LHX4: variants seen among roughly 807,000 people sequenced by gnomAD.
LHX4 encodes LIM homeobox 4.
LHX4 carries 16 observed loss-of-function variants against 39.2 expected under a neutral mutation model. The observed-to-expected ratio is 0.41, with a 90% CI of 0.28 to 0.62. The LOEUF (loss-of-function observed/expected upper bound fraction) is 0.62, where lower values mean the gene tolerates loss of function less well. LHX4 is among the 20% of genes least tolerant of loss of function. The pLI, the probability that LHX4 is intolerant of heterozygous loss-of-function variation, is 0.33. For synonymous variants in LHX4, 206 were observed against 198.1 expected (o/e 1.04, Z -0.33); for missense variants, 439 against 511.9 (o/e 0.86, Z 1.37).
chr1:180,258,088 A>G (rs2764447), intron 2 of LHX4, among the ~76,000 whole-genome samples: 23,346 of 152,272 alleles, frequency 0.15, 2,178 homozygotes, highest in Admixed American at 0.23. Context: ...TCAGTAGTGA[A>G]CAAGACGGAT....
At chr1:180,249,271 G>A (rs900586667) in intron 2 of LHX4, among the ~76,000 whole-genome samples, 7 of 152,226 alleles carry the variant, frequency 4.6e-5, no homozygotes, top group Non-Finnish European at 1.0e-4. Flanking sequence ...CCTTTCTGGG[G>A]TGGGGTTCAT....
At chr1:180,228,522 G>C (rs1280600771), upstream of LHX4, among the ~76,000 whole-genome samples, 1 of 152,212 alleles carries the variant, frequency 6.6e-6, no homozygotes, top group Non-Finnish European at 1.5e-5. Context: ...CTGCAAATGA[G>C]GCTGGCGTTT....
At chr1:180,229,975 G>T (rs1398267969), upstream of LHX4, among the ~76,000 whole-genome samples, 1 of 120,130 alleles carries the variant, frequency 8.3e-6, no homozygotes, top group East Asian at 2.8e-4. Flanking sequence ...GGGGGGGGGG[G>T]TGCCGGCTTG....
intron 1 of LHX4, among the ~76,000 whole-genome samples, chr1:180,231,660 C>T (rs979756831): frequency 6.6e-6 from 1 of 151,790 alleles, no homozygotes; most frequent in African/African-American, 2.4e-5. Flanking sequence ...CAAGGAGTTC[C>T]TCGCTCCGCT....
At chr1:180,263,337 T>C (rs1648181121) in intron 2 of LHX4, among the ~76,000 whole-genome samples, 1 of 152,232 alleles carries the variant, frequency 6.6e-6, no homozygotes, top group Non-Finnish European at 1.5e-5. Context: ...CCTGTGACTC[T>C]GGCTATTCTA....
intron 2 of LHX4, among the ~76,000 whole-genome samples, chr1:180,252,794 C>T (rs1647684715): frequency 6.6e-6 from 1 of 152,120 alleles, no homozygotes; most frequent in South Asian, 2.1e-4. Context: ...GGGCATGTGG[C>T]GATCCTGGTA....
At chr1:180,255,346 GCA>G (rs1647806634) in intron 2 of LHX4, among the ~76,000 whole-genome samples, 1 of 152,190 alleles carries the variant, frequency 6.6e-6, no homozygotes, top group Admixed American at 6.5e-5. Context: ...ATGCACACAT[GCA>G]CACACATGTA....
At chr1:180,228,987 G>C, upstream of LHX4, among the ~76,000 whole-genome samples, 1 of 152,238 alleles carries the variant, frequency 6.6e-6, no homozygotes, top group East Asian at 1.9e-4. Context: ...GGGGCAGACG[G>C]GGTGGGCTTC....
In LHX4 at chr1:180,238,295, G is replaced by A. The variant is rs547948329; in HGVS notation, c.76+7690G>A. ...CAAATAAAGCAAACAGTAAAAGTGGGAAGGATTCCGGAAAGCAAGTGAAGG... is the reference window on the plus strand; with the variant it reads ...CAAATAAAGCAAACAGTAAAAGTGGAAAGGATTCCGGAAAGCAAGTGAAGG... On this transcript the variant is annotated intron_variant, in intron 1 of 5. Coordinates refer to ENST00000263726, the MANE Select transcript of LHX4 (RefSeq NM_033343.4). 3.2e-4 allele frequency among the ~76,000 whole-genome samples: 48 copies of A among 152,354 alleles called. No homozygotes were observed. In the South Asian group the frequency reaches 9.9e-3, roughly 32 times the overall value.
Position 180,234,199 on chromosome 1 carries a change from ATATATATATATATATATATAT to A in LHX4, c.76+3595_76+3615del, listed in dbSNP as rs1558207195. 1.4e-3 allele frequency among the ~76,000 whole-genome samples: 122 copies of A among 89,692 alleles called. 6 individuals carry two copies. The South Asian group carries it at 0.016, about 11-fold the overall frequency. The allele number at this position is 89,692 out of a possible 152,430, so 58.8% of individuals were successfully genotyped here. A position where few individuals can be genotyped will look rare whatever the true frequency, so the allele number is the denominator to read the frequency against. On this transcript the variant is annotated intron_variant, in intron 1 of 5. Transcript: ENST00000263726. This position sits in a 1 kb window ranked among gnomAD's most constrained non-coding sequence, Gnocchi z 4.8. ...TATATATATATATATATATATATAT[ATATATATATATATATATATAT>A]AATAGATTGAGATTCTATCATATTC...
chr1:180,241,108 G>A (rs939150810), intron 1 of LHX4, among the ~76,000 whole-genome samples: 1 of 152,204 alleles, frequency 6.6e-6, no homozygotes, highest in Admixed American at 6.5e-5. Context: ...CAACAGTGAA[G>A]TAAGATCAGG....
chr1:180,230,723 G>C lies in LHX4; in HGVS notation c.76+118G>C. 1.0e-6 allele frequency: 1 copy of C among 957,434 alleles called. No homozygotes were observed. 59.3% of individuals were successfully genotyped at this position (957,434 alleles called of 1,614,324 possible). A position where few individuals can be genotyped will look rare whatever the true frequency, so the allele number is the denominator to read the frequency against. On this transcript the variant is annotated intron_variant, in intron 1 of 5. Transcript: ENST00000263726. This position sits in a 1 kb window ranked among gnomAD's most constrained non-coding sequence, Gnocchi z 5.8. ...GGGAGGGGCTGGCGGCCGGGGCGCA[G>C]AGGCGGTCACAGGGCAGGGGCACCA...
intron 2 of LHX4, among the ~76,000 whole-genome samples, chr1:180,255,625 C>G (rs1419687833): frequency 6.6e-6 from 1 of 152,226 alleles, no homozygotes; most frequent in Non-Finnish European, 1.5e-5. Flanking sequence ...GGCCCACAGT[C>G]ATTTGTGCCG....
At chr1:180,244,815 G>GC (rs1365732128) in intron 1 of LHX4, among the ~76,000 whole-genome samples, 2 of 152,130 alleles carry the variant, frequency 1.3e-5, no homozygotes, top group African/African-American at 2.4e-5. Context: ...AGAGTTAATT[G>GC]CCCCCCTGGG....
chr1:180,269,652 A>AC (rs1648509780), intron 3 of LHX4: 1 of 152,184 alleles, frequency 6.6e-6, no homozygotes, highest in South Asian at 2.1e-4. Flanking sequence ...AAATTAAAAC[A>AC]TTTTTGGTGA....
intron 2 of LHX4, among the ~76,000 whole-genome samples, chr1:180,250,531 G>C (rs543510426): frequency 1.3e-5 from 2 of 152,308 alleles, no homozygotes; most frequent in Admixed American, 1.3e-4. Flanking sequence ...CCACGCCTCC[G>C]CTTGCCCGTC....
chr1:180,256,662 G>A (rs754118999), intron 2 of LHX4, among the ~76,000 whole-genome samples: 8 of 152,340 alleles, frequency 5.3e-5, no homozygotes, highest in Non-Finnish European at 1.0e-4. Flanking sequence ...CTGTGCCACC[G>A]CTGCACTGGG....
Position 180,266,598 on chromosome 1 carries a change from AG to A in LHX4, c.451+5del. 1 of 1,613,832 alleles carries A rather than the reference AG, an allele frequency of 6.2e-7. No individual in the cohort carries two copies. The highest frequency in any genetic ancestry group is 8.5e-7 in the Non-Finnish European group (1 of 1,179,810). On this transcript the variant is annotated splice_donor_5th_base_variant and intron_variant, in intron 3 of 5. Transcript: ENST00000263726. This position sits in a 1 kb window ranked among gnomAD's most constrained non-coding sequence, Gnocchi z 5.7. ...TACGAGACAGCCAAGCAGAACGGTA[AG>A]CAGCATGGCCCCGCATGGTCCCCTC...
intron 2 of LHX4, among the ~76,000 whole-genome samples, chr1:180,250,001 G>C (rs1434978877): frequency 6.6e-6 from 1 of 152,052 alleles, no homozygotes; most frequent in African/African-American, 2.4e-5. Flanking sequence ...GTGAATGTGT[G>C]TTGACTACAG....
Sources: allele counts gnomAD v4.1 joint callset (sites outside exome capture counted in the v4.1 genomes callset), GRCh38; gene constraint gnomAD v4.1.1; non-coding constraint Gnocchi (gnomAD v3.1); transcripts MANE v1.5; gene names NCBI Gene and HGNC (gene_info 2026-07-23, HGNC 2026-07-21).